UBE2N: variants seen among roughly 807,000 people sequenced by gnomAD.
UBE2N encodes the protein ubiquitin-conjugating enzyme E2 N.
For missense variants in UBE2N, 60 were observed against 192.1 expected (o/e 0.31, Z 4.07); for synonymous variants, 70 against 69.2 (o/e 1.01, Z -0.06).
chr12:93,420,829 C>CT (rs1878385692), intron 1 of UBE2N, among the ~76,000 whole-genome samples: 1 of 152,100 alleles, frequency 6.6e-6, no homozygotes, highest in Non-Finnish European at 1.5e-5. Flanking sequence ...TATTTCTTGT[C>CT]TATCTTGCCT....
chr12:93,417,060 T>G (rs1878240495), intron 1 of UBE2N, among the ~76,000 whole-genome samples: 1 of 152,186 alleles, frequency 6.6e-6, no homozygotes, highest in Non-Finnish European at 1.5e-5. Context: ...AATTAGTTAA[T>G]GTAGACTATG....
intron 1 of UBE2N, among the ~76,000 whole-genome samples, chr12:93,437,229 G>C (rs1176529976): frequency 6.6e-6 from 1 of 151,956 alleles, no homozygotes; most frequent in Non-Finnish European, 1.5e-5. Context: ...TGTAATCCCA[G>C]ATACTGGAGG....
intron 1 of UBE2N, among the ~76,000 whole-genome samples, chr12:93,420,809 T>TA (rs1308451504): frequency 1.3e-4 from 20 of 152,058 alleles, no homozygotes; most frequent in Middle Eastern, 3.4e-3. Flanking sequence ...ACTGTTAAGC[T>TA]GAATTCCTTT....
At chr12:93,413,100 C>T (rs538516936) in intron 1 of UBE2N, among the ~76,000 whole-genome samples, 3 of 152,290 alleles carry the variant, frequency 2.0e-5, no homozygotes, top group South Asian at 2.1e-4. Flanking sequence ...CTGTAGTTAT[C>T]GCTAACTTGT....
chr12:93,433,605 T>C (rs1878834256), intron 1 of UBE2N, among the ~76,000 whole-genome samples: 1 of 151,448 alleles, frequency 6.6e-6, no homozygotes, highest in African/African-American at 2.4e-5. Flanking sequence ...ATAATATTAT[T>C]ACATAAACTA....
Position 93,406,335 on chromosome 12 carries a change from G to C in UBE2N, c.*3704C>G, listed in dbSNP as rs1170722018. 1 of 137,414 alleles carries C rather than the reference G, an allele frequency of 7.3e-6. No individual in the cohort carries two copies. Among genetic ancestry groups the C allele is most frequent in the African/African-American group, 2.8e-5 (1 of 36,144 alleles). The allele number at this position is 137,414 out of a possible 1,614,324, so 8.5% of individuals were successfully genotyped here. On this transcript the variant is annotated 3_prime_UTR_variant, in exon 4 of 4. Transcript: ENST00000318066. ...CCTGAACCATTCAACAGAAAAATGA[G>C]GCCTATTCCTATCATTTCCTCGATC...
intron 1 of UBE2N, among the ~76,000 whole-genome samples, chr12:93,421,222 GACA>G (rs1878400683): frequency 8.6e-6 from 1 of 115,984 alleles, no homozygotes; most frequent in Admixed American, 9.1e-5. Context: ...GGGCTGGGGG[GACA>G]GATTCTCACT....
intron 1 of UBE2N, among the ~76,000 whole-genome samples, chr12:93,436,710 C>T (rs1252191560): frequency 6.6e-6 from 1 of 152,074 alleles, no homozygotes; most frequent in African/African-American, 2.4e-5. Flanking sequence ...ATCCTTGGGC[C>T]TCAGTCTCCC....
chr12:93,441,808 G>A (rs1411975513), intron 1 of UBE2N, 47 bp downstream of exon 1: 1 of 1,573,908 alleles, frequency 6.4e-7, no homozygotes. Context: ...GCCCAGCTGA[G>A]CCGACGAGAG....
chr12:93,414,371 C>T (rs1878131668), intron 1 of UBE2N, among the ~76,000 whole-genome samples: 1 of 151,550 alleles, frequency 6.6e-6, no homozygotes, highest in Non-Finnish European at 1.5e-5. Context: ...ATCGCTTGAA[C>T]CCCGGAGGTG....
At chr12:93,430,011 G>A (rs900158730) in intron 1 of UBE2N, among the ~76,000 whole-genome samples, 4 of 152,194 alleles carry the variant, frequency 2.6e-5, no homozygotes, top group South Asian at 4.1e-4. Flanking sequence ...AAAGTCTATC[G>A]TAGTGTACAG....
intron 1 of UBE2N, among the ~76,000 whole-genome samples, chr12:93,427,078 C>T (rs542339747): frequency 6.6e-6 from 1 of 152,164 alleles, no homozygotes; most frequent in African/African-American, 2.4e-5. Context: ...TGCCACCACA[C>T]CCAGCTAATT....
At position 93,408,631 on chromosome 12, in the gene UBE2N, A is replaced by T. The variant is rs1218625559; in HGVS notation, c.*1408T>A. The stretch of plus-strand genomic sequence containing the variant: ...GATATGGAGAGAGGTGGGAAAGAAC[A>T]GTTTTGTGAGGGGAGGAATTCGTCA... On this transcript the variant is annotated 3_prime_UTR_variant, in exon 4 of 4. Transcript: ENST00000318066. 1 of 152,234 alleles carries T rather than the reference A, an allele frequency of 6.6e-6. No homozygotes were observed. Among genetic ancestry groups the T allele is most frequent in the East Asian group, 1.9e-4 (1 of 5,198 alleles). 9.4% of individuals were successfully genotyped at this position (152,234 alleles called of 1,614,324 possible).
intron 3 of UBE2N, 58 bp downstream of exon 3, chr12:93,410,676 G>A (rs1878006929): frequency 6.2e-7 from 1 of 1,602,666 alleles, no homozygotes; most frequent in African/African-American, 1.3e-5. Flanking sequence ...AAAAGTTTAA[G>A]TGGTAATACA....
chr12:93,416,443 TTATC>T (rs781034392), intron 1 of UBE2N, among the ~76,000 whole-genome samples: 16 of 150,142 alleles, frequency 1.1e-4, no homozygotes, highest in East Asian at 2.0e-4. Flanking sequence ...ACTGTTTCAC[TTATC>T]TATCTTTTTT....
intron 1 of UBE2N, among the ~76,000 whole-genome samples, chr12:93,420,966 T>C (rs932410853): frequency 1.3e-5 from 2 of 152,120 alleles, no homozygotes; most frequent in Admixed American, 6.5e-5. Context: ...GTCCCAGATA[T>C]ACAGAGAATC....
chr12:93,422,549 T>A (rs1377377459), intron 1 of UBE2N, among the ~76,000 whole-genome samples: 1 of 152,134 alleles, frequency 6.6e-6, no homozygotes, highest in Admixed American at 6.5e-5. Context: ...TATAACTTAG[T>A]AGGTGAGGTA....
intron 1 of UBE2N, among the ~76,000 whole-genome samples, chr12:93,436,136 C>G (rs1376656139): frequency 1.3e-5 from 2 of 152,090 alleles, no homozygotes; most frequent in Non-Finnish European, 2.9e-5. Flanking sequence ...GGGTTTCACT[C>G]TGTCGCCCAG....
At chr12:93,424,722 C>G (rs1878526367) in intron 1 of UBE2N, among the ~76,000 whole-genome samples, 1 of 152,190 alleles carries the variant, frequency 6.6e-6, no homozygotes. Flanking sequence ...AAAAATAAAA[C>G]TTCAATTTAG....
Sources: gnomAD v4.1 joint callset for allele counts (sites outside exome capture counted in the v4.1 genomes callset) on GRCh38, gnomAD v4.1.1 for gene constraint, MANE v1.5 for transcripts, NCBI Gene and HGNC (gene_info 2026-07-23, HGNC 2026-07-21) for gene names.